ACTL6A: variants seen among roughly 807,000 people sequenced by gnomAD.
ACTL6A encodes actin like 6A.
A neutral mutation model predicts 59.2 loss-of-function variants in ACTL6A; 5 were observed. The ratio of observed to expected loss-of-function variants is 0.08; its 90% CI spans 0.04 to 0.18. The LOEUF (loss-of-function observed/expected upper bound fraction) is 0.18, where lower values mean the gene tolerates loss of function less well. ACTL6A is among the 10% of genes least tolerant of loss of function. The probability of loss-of-function intolerance (pLI) is 1.00; values close to 1 mark genes in which losing one functional copy is unlikely to be tolerated. For synonymous variants in ACTL6A, 154 were observed against 171.8 expected, an observed-to-expected ratio of 0.90 and a Z score of 0.81; for missense variants, 285 against 526.9, an observed-to-expected ratio of 0.54 and a Z score of 4.49.
At chr3:179,572,017 T>G (rs115110086) in intron 3 of ACTL6A, among the ~76,000 whole-genome samples, 39 of 152,302 alleles carry the variant, frequency 2.6e-4, no homozygotes, top group Non-Finnish European at 4.7e-4. Flanking sequence ...TTCACTGAGT[T>G]CAAAGTACTT....
intron 1 of ACTL6A, among the ~76,000 whole-genome samples, chr3:179,566,559 A>C (rs1191669509): frequency 3.3e-5 from 5 of 152,180 alleles, no homozygotes; most frequent in Non-Finnish European, 1.5e-5. Flanking sequence ...ATAGAGGTAG[A>C]TCTAAGTGTC....
In ACTL6A at chr3:179,573,427, A is replaced by G; in HGVS notation, c.336A>G (p.Lys112=). The G allele has an allele frequency of 1.9e-6, 3 of 1,590,540 alleles. No homozygotes were observed. The highest frequency in any genetic ancestry group is 2.6e-6 in the Non-Finnish European group (3 of 1,171,484). Residue 112 remains lysine, a synonymous_variant, in exon 4 of 14, where the codon AAA becomes AAG. Coordinates refer to ENST00000429709, the MANE Select transcript of ACTL6A (RefSeq NM_004301.5). Reference sequence around the variant, plus strand: ...ATCATACCTACAAAATGCATGTCAAATCAGAAGCCAGTCTCCATCCTGTTC... The same window carrying G: ...ATCATACCTACAAAATGCATGTCAAGTCAGAAGCCAGTCTCCATCCTGTTC... ...ILDHTYKMHV[K]SEASLHPVLM...
At chr3:179,575,282 C>G (rs1718132839) in intron 5 of ACTL6A, 1 of 425,168 alleles carries the variant, frequency 2.4e-6, no homozygotes, top group Non-Finnish European at 4.7e-6. Context: ...TTGGTCTTCC[C>G]ACATGCTCCT....
In ACTL6A at chr3:179,570,019, T is replaced by G; in HGVS notation, c.103-48T>G. On this transcript the variant is annotated intron_variant, in intron 2 of 13. Transcript: ENST00000429709. The surrounding 1 kb of genome is among the most constrained non-coding windows in gnomAD (Gnocchi z 4.3). Reference sequence around the variant, plus strand: ...ATACATTAATTGGGGAAAAAATGCCTTCTTGATGAAAGGTGAAACTTGTAT... The same window carrying G: ...ATACATTAATTGGGGAAAAAATGCCGTCTTGATGAAAGGTGAAACTTGTAT... The G allele has an allele frequency of 6.3e-7, 1 of 1,590,038 alleles. No individual in the cohort carries two copies. The highest frequency in any genetic ancestry group is 8.6e-7 in the Non-Finnish European group (1 of 1,168,994).
Position 179,580,621 on chromosome 3 carries a change from T to G in ACTL6A, c.769-19T>G. 2 of 1,563,656 alleles carry G rather than the reference T, an allele frequency of 1.3e-6. No individual in the cohort carries two copies. On this transcript the variant is annotated intron_variant, in intron 8 of 13. Transcript: ENST00000429709. ...GATAAATCTCAACCTTGTTTGTTAC[T>G]TTTTTCTTTTACTCACAGTGTGTTA... is the stretch of plus-strand genomic sequence containing the variant.
chr3:179,573,943 T>C (rs914098608), intron 4 of ACTL6A, among the ~76,000 whole-genome samples: 3 of 152,226 alleles, frequency 2.0e-5, no homozygotes, highest in African/African-American at 7.2e-5. Context: ...ATAATGGTCA[T>C]AAATTATCAG....
At chr3:179,566,221 GACA>G (rs2108352926) in intron 1 of ACTL6A, among the ~76,000 whole-genome samples, 1 of 152,264 alleles carries the variant, frequency 6.6e-6, no homozygotes, top group East Asian at 1.9e-4. Flanking sequence ...TATGGATGTA[GACA>G]CTGGTTAGAG....
intron 1 of ACTL6A, among the ~76,000 whole-genome samples, chr3:179,566,642 G>A (rs952932224): frequency 3.3e-5 from 5 of 152,142 alleles, no homozygotes; most frequent in African/African-American, 1.2e-4. Flanking sequence ...TCACATGGCC[G>A]TCCCTCTGTA....
At chr3:179,580,567 A>G in intron 8 of ACTL6A, 73 bp from the exon 9 acceptor site, 1 of 1,083,588 alleles carries the variant, frequency 9.2e-7, no homozygotes, top group Non-Finnish European at 1.3e-6. Flanking sequence ...AAAGTATTTA[A>G]AATATGTTAT....
At chr3:179,584,737 A>C (rs1444484261) in intron 12 of ACTL6A, among the ~76,000 whole-genome samples, 2 of 152,170 alleles carry the variant, frequency 1.3e-5, no homozygotes, top group Non-Finnish European at 1.5e-5. Flanking sequence ...GTAAGCCGAG[A>C]TCATGCCACT....
chr3:179,576,864 A>G lies in ACTL6A; in HGVS notation c.719A>G (p.Lys240Arg). 1 of 1,614,084 alleles carries G rather than the reference A, an allele frequency of 6.2e-7. No homozygotes were observed. The highest frequency in any genetic ancestry group is 8.5e-7 in the Non-Finnish European group (1 of 1,179,990). The change falls in exon 8 of 14, where the codon AAA becomes AGA. Residue 240 changes from lysine to arginine, a missense_variant. Coordinates refer to ENST00000429709, the MANE Select transcript of ACTL6A (RefSeq NM_004301.5). ...GGATCTCCAGCAAACTGGAAAAGAA[A>G]AGAGAAGTTGCCTCAGGTTACGAGG... ...REGSPANWKR[K>R]EKLPQVTRSW...
At chr3:179,569,422 C>A (rs1012032296) in intron 1 of ACTL6A, among the ~76,000 whole-genome samples, 2 of 152,154 alleles carry the variant, frequency 1.3e-5, no homozygotes, top group African/African-American at 4.8e-5. Flanking sequence ...ACTGAAATTA[C>A]CCAGTTTTAG....
chr3:179,574,764 A>G, intron 5 of ACTL6A: 1 of 210,216 alleles, frequency 4.8e-6, no homozygotes, highest in South Asian at 1.1e-4. Flanking sequence ...GCTTAGGTGA[A>G]TTGAAAGATT....
chr3:179,586,632 G>T lies in ACTL6A; in HGVS notation c.1209G>T (p.Leu403Phe). Residue 403 changes from leucine to phenylalanine, a missense_variant and splice_region_variant, in exon 13 of 14, where the codon TTG becomes TTT. Transcript: ENST00000429709. ...SWIGGSILAS[L>F]GTFQQMWISK... ...TTGGCGGCTCCATTCTAGCCTCTTTGGTTAGTAGATGAGCTACTTTGCAAA... is the reference window on the plus strand; with the variant it reads ...TTGGCGGCTCCATTCTAGCCTCTTTTGTTAGTAGATGAGCTACTTTGCAAA... 1 of 1,595,442 alleles carries T rather than the reference G, an allele frequency of 6.3e-7. No homozygotes were observed. The highest frequency in any genetic ancestry group is 1.8e-5 in the Admixed American group (1 of 54,780).
intron 1 of ACTL6A, among the ~76,000 whole-genome samples, chr3:179,566,837 A>G (rs13327320): frequency 0.017 from 2,552 of 152,156 alleles, 73 homozygotes; most frequent in African/African-American, 0.058. Context: ...CTACAGGTGC[A>G]TACGGCCACG....
chr3:179,564,549 G>A (rs1560008472), intron 1 of ACTL6A, among the ~76,000 whole-genome samples: 1 of 152,052 alleles, frequency 6.6e-6, no homozygotes, highest in Non-Finnish European at 1.5e-5. Flanking sequence ...GGGTTCATGG[G>A]GCTTGATTTT....
At chr3:179,564,879 A>C (rs1177699800) in intron 1 of ACTL6A, among the ~76,000 whole-genome samples, 4 of 150,758 alleles carry the variant, frequency 2.7e-5, no homozygotes, top group Non-Finnish European at 5.9e-5. Flanking sequence ...TGAAGTTGGA[A>C]TATGTCTTTT....
chr3:179,580,847 A>G (rs1718317262), intron 9 of ACTL6A, 47 bp from the exon 10 acceptor site: 2 of 1,498,566 alleles, frequency 1.3e-6, no homozygotes, highest in Non-Finnish European at 9.1e-7. Flanking sequence ...AATTTTGAAG[A>G]GAATTATTTT....
At position 179,580,935 on chromosome 3, in the gene ACTL6A, A is replaced by G. The variant is rs374290449; in HGVS notation, c.872A>G (p.Asn291Ser). The G allele has an allele frequency of 1.4e-5, 22 of 1,586,654 alleles. No homozygotes were observed. Among genetic ancestry groups the G allele is most frequent in the African/African-American group, 4.1e-5 (3 of 72,746 alleles). ...QMPTVHYEFPNGYNCDFGAER... is the reference protein window; with the variant it reads ...QMPTVHYEFPSGYNCDFGAER... ...CCAACTGTTCATTATGAATTCCCCA[A>G]TGGCTACAATTGTGATTTTGGTGCA... Residue 291 changes from asparagine (N) to serine (S), a missense_variant, in exon 10 of 14, where the codon AAT becomes AGT. By Grantham distance (46) the Asn-to-Ser change is conservative. Coordinates refer to ENST00000429709, the MANE Select transcript of ACTL6A (RefSeq NM_004301.5).
Sources: gnomAD v4.1 joint callset for allele counts (sites outside exome capture counted in the v4.1 genomes callset) on GRCh38, gnomAD v4.1.1 for gene constraint, Gnocchi (gnomAD v3.1) non-coding constraint, MANE v1.5 for transcripts, NCBI Gene and HGNC (gene_info 2026-07-23, HGNC 2026-07-21) for gene names.